FECH: variants seen among roughly 807,000 people sequenced by gnomAD.
FECH encodes the protein ferrochelatase.
Under a neutral mutation model 56.9 loss-of-function variants are expected in FECH, and 40 were observed. The observed-to-expected ratio is 0.70, with a 90% CI of 0.55 to 0.92. The LOEUF (loss-of-function observed/expected upper bound fraction) is 0.92, where lower values mean the gene tolerates loss of function less well. FECH is among the 40% of genes least tolerant of loss of function. The pLI, the probability that FECH is intolerant of heterozygous loss-of-function variation, is 0.00. For missense variants in FECH, 431 were observed against 529.1 expected (o/e 0.81, Z 1.82); for synonymous variants, 175 against 198.6 (o/e 0.88, Z 1.00).
At position 57,547,836 on chromosome 18, in the gene FECH, A is replaced by C. The variant is rs1205518828; in HGVS notation, c.*2876T>G. ...TTTTTTGTAGAGTCAGGGTCTCCCT[A>C]TGTTGCCCAGGCTGGTCTTGAACTC... On this transcript the variant is annotated 3_prime_UTR_variant, in exon 11 of 11. Transcript: ENST00000262093. Among the ~76,000 whole-genome samples the C allele has an allele frequency of 1.1e-4, 16 of 152,198 alleles. No homozygotes were observed. Among genetic ancestry groups the C allele is most frequent in the African/African-American group, 3.9e-4 (16 of 41,534 alleles).
intron 6 of FECH, among the ~76,000 whole-genome samples, chr18:57,561,524 T>C (rs2050943570): frequency 6.6e-6 from 1 of 152,196 alleles, no homozygotes; most frequent in African/African-American, 2.4e-5. Context: ...CTCTGCAGAA[T>C]GAAAGAGGCA....
At chr18:57,553,434 G>T (rs530582722) in intron 9 of FECH, among the ~76,000 whole-genome samples, 5 of 152,294 alleles carry the variant, frequency 3.3e-5, no homozygotes, top group Admixed American at 2.0e-4. Context: ...AGAGGGTGAA[G>T]TCTCCTGCAG....
Position 57,547,734 on chromosome 18 carries a change from G to A in FECH, c.*2978C>T, listed in dbSNP as rs1318436691. ...TGCAACCTCAAACTGCTGGGCTCAA[G>A]CAATCCTACCACCTCAGCCTCCTAA... is the stretch of plus-strand genomic sequence containing the variant. On this transcript the variant is annotated 3_prime_UTR_variant, in exon 11 of 11. Coordinates refer to ENST00000262093, the MANE Select transcript of FECH (RefSeq NM_000140.5). Among the ~76,000 whole-genome samples, 1 of 152,064 alleles carries A rather than the reference G, an allele frequency of 6.6e-6. No homozygotes were observed. The highest frequency in any genetic ancestry group is 1.5e-5 in the Non-Finnish European group (1 of 68,014).
chr18:57,561,555 A>G (rs944655517), intron 6 of FECH, among the ~76,000 whole-genome samples: 4 of 152,222 alleles, frequency 2.6e-5, no homozygotes, highest in Non-Finnish European at 5.9e-5. Flanking sequence ...CAGAGCCTTC[A>G]ATCACACCAT....
intron 4 of FECH, among the ~76,000 whole-genome samples, chr18:57,570,899 A>G (rs554657135): frequency 1.4e-3 from 209 of 152,344 alleles, no homozygotes; most frequent in African/African-American, 4.9e-3. Context: ...AATACCTTAC[A>G]ATGGTGATAT....
At chr18:57,551,067 C>G in intron 10 of FECH, 1 of 651,368 alleles carries the variant, frequency 1.5e-6, no homozygotes, top group Non-Finnish European at 2.6e-6. Context: ...ACCTCTTACC[C>G]TACCCACTAG....
chr18:57,551,151 C>A, intron 10 of FECH, 164 bp downstream of exon 10: 1 of 666,530 alleles, frequency 1.5e-6, no homozygotes, highest in East Asian at 2.7e-5. Flanking sequence ...TTGGGGCTAT[C>A]TGAAGGAAAA....
At chr18:57,562,018 T>C (rs757999345) in intron 6 of FECH, among the ~76,000 whole-genome samples, 6 of 152,228 alleles carry the variant, frequency 3.9e-5, no homozygotes, top group Non-Finnish European at 8.8e-5. Flanking sequence ...TTCAATGATG[T>C]CTAGCACCAT....
rs771026680 is a variant in FECH, at chr18:57,571,619, G to A, written c.315-79C>T. The stretch of plus-strand genomic sequence containing the variant: ...GAAATGTTTTCTACTCAATAAAAAA[G>A]AAAAAAAGCAAAATTTTAGAGAGCC... On this transcript the variant is annotated intron_variant, in intron 3 of 10. Transcript: ENST00000262093. 7.5e-6 allele frequency: 12 copies of A among 1,604,778 alleles called. No individual in the cohort carries two copies. The Admixed American group carries it at 8.6e-5, about 12-fold the overall frequency.
Position 57,545,622 on chromosome 18 carries a change from C to A in FECH, c.*5090G>T, listed in dbSNP as rs776370345. On this transcript the variant is annotated 3_prime_UTR_variant, in exon 11 of 11. Transcript: ENST00000262093. ...ACCACCTGCTATTGCTCATCATATT[C>A]GTGCCATTCAACAAATATTAGCAGC... is the stretch of plus-strand genomic sequence containing the variant. 1.3e-5 allele frequency among the ~76,000 whole-genome samples: 2 copies of A among 152,172 alleles called. No homozygotes were observed. The highest frequency in any genetic ancestry group is 2.9e-5 in the Non-Finnish European group (2 of 68,036).
chr18:57,566,948 G>A (rs1466036604), intron 4 of FECH, among the ~76,000 whole-genome samples: 2 of 151,818 alleles, frequency 1.3e-5, no homozygotes, highest in Non-Finnish European at 2.9e-5. Flanking sequence ...CAGATACTAT[G>A]GTAGCCACTG....
chr18:57,562,808 G>T, intron 6 of FECH, 66 bp downstream of exon 6: 1 of 1,272,624 alleles, frequency 7.9e-7, no homozygotes, highest in Non-Finnish European at 1.2e-6. Flanking sequence ...CACAAACCCA[G>T]AAGGGATGAG....
At chr18:57,584,910 C>G (rs1488875616) in intron 1 of FECH, among the ~76,000 whole-genome samples, 2 of 145,382 alleles carry the variant, frequency 1.4e-5, no homozygotes, top group Non-Finnish European at 3.0e-5. Flanking sequence ...ACCAGGGAGG[C>G]TGAGGCGGGA....
In FECH at chr18:57,586,576, C is replaced by T. The variant is rs1186304201; in HGVS notation, c.45G>A (p.Ala15=). ...TACGCGGATCGCGGAGCAGGACGCC[C>T]GCGGCGCGCAGGGCCGCAGCCATGT... ...GANMAAALRA[A]GVLLRDPLAS... The change falls in exon 1 of 11, where the codon GCG becomes GCA. Residue 15 remains alanine, a synonymous_variant. Coordinates refer to ENST00000262093, the MANE Select transcript of FECH (RefSeq NM_000140.5). 6.6e-7 allele frequency: 1 copy of T among 1,522,150 alleles called. No individual in the cohort carries two copies. Among genetic ancestry groups the T allele is most frequent in the Non-Finnish European group, 8.8e-7 (1 of 1,141,720 alleles). 94.3% of individuals were successfully genotyped at this position (1,522,150 alleles called of 1,614,324 possible).
chr18:57,551,098 G>A, intron 10 of FECH: 1 of 637,132 alleles, frequency 1.6e-6, no homozygotes, highest in Non-Finnish European at 2.7e-6. Context: ...TGGAAAGCAG[G>A]TTTTAAATCA....
At chr18:57,585,450 G>T (rs759919801) in intron 1 of FECH, among the ~76,000 whole-genome samples, 1 of 152,156 alleles carries the variant, frequency 6.6e-6, no homozygotes, top group Non-Finnish European at 1.5e-5. Context: ...CACAGGAAAG[G>T]TCAGTGAAAG....
intron 7 of FECH, among the ~76,000 whole-genome samples, chr18:57,556,141 T>TTA (rs751068807): frequency 9.2e-5 from 14 of 151,712 alleles, no homozygotes; most frequent in Admixed American, 3.9e-4. Context: ...AAACAAAAAA[T>TTA]TATATATATA....
In FECH at chr18:57,559,208, AT is replaced by A; in HGVS notation, c.740del (p.His247LeufsTer34). The A allele has an allele frequency of 6.2e-7, 1 of 1,613,794 alleles. No homozygotes were observed. Among genetic ancestry groups the A allele is most frequent in the Non-Finnish European group, 8.5e-7 (1 of 1,179,732 alleles). On this transcript the variant is annotated frameshift_variant, in exon 7 of 11. Transcript: ENST00000262093. LOFTEE classifies it high-confidence loss of function. ...CCTCGCTTCTCTTCTCAAGTGGAAA[AT>A]GGTCCAGTTCCTTTAGAATATGATC... ...FADHILKELD[H>X]FPLEKRSEVV... is the part of the protein sequence containing the mutation.
intron 2 of FECH, among the ~76,000 whole-genome samples, chr18:57,579,313 G>GTGTGTGTATA (rs531089366): frequency 1.8e-3 from 255 of 143,838 alleles, no homozygotes; most frequent in African/African-American, 4.1e-3. Flanking sequence ...GTGTGTGTGT[G>GTGTGTGTATA]TATATATTCA....
Sources: gnomAD v4.1 joint callset for allele counts (sites outside exome capture counted in the v4.1 genomes callset) on GRCh38, gnomAD v4.1.1 for gene constraint, MANE v1.5 for transcripts, NCBI Gene and HGNC (gene_info 2026-07-23, HGNC 2026-07-21) for gene names.